The following CHMP2B variants were observed in gnomAD, a reference collection of about 807,000 sequenced individuals.
CHMP2B encodes the protein VPS2 homolog B.
CHMP2B carries 22 observed loss-of-function variants against 29.8 expected under a neutral mutation model. The ratio of observed to expected loss-of-function variants is 0.74; its 90% CI spans 0.53 to 1.05. The LOEUF (loss-of-function observed/expected upper bound fraction) is 1.05. Among genes scored for constraint, CHMP2B ranks in the 50% least tolerant of loss-of-function variants. CHMP2B has a pLI of 0.00. For synonymous variants in CHMP2B, 78 were observed against 75.8 expected, an observed-to-expected ratio of 1.03 and a Z score of -0.15; for missense variants, 261 against 252.2, an observed-to-expected ratio of 1.03 and a Z score of -0.24.
chr3:87,246,897 T>G (rs187197913), intron 3 of CHMP2B, among the ~76,000 whole-genome samples: 2 of 152,312 alleles, frequency 1.3e-5, no homozygotes, highest in South Asian at 4.1e-4. Context: ...ATATCAGTCA[T>G]GCTAAGCTTT....
intron 3 of CHMP2B, among the ~76,000 whole-genome samples, chr3:87,246,426 C>T (rs373581861): frequency 9.9e-5 from 15 of 152,214 alleles, no homozygotes; most frequent in African/African-American, 2.9e-4. Context: ...CATGAGCCAC[C>T]GCGCCCAGCC....
intron 4 of CHMP2B, chr3:87,253,054 T>G (rs545971405): frequency 4.4e-4 from 95 of 217,622 alleles, no homozygotes; most frequent in African/African-American, 2.0e-3. Context: ...TTCTTGCATA[T>G]TCTTCCTCTA....
At chr3:87,251,221 C>A (rs1706308923) in intron 4 of CHMP2B, among the ~76,000 whole-genome samples, 1 of 151,854 alleles carries the variant, frequency 6.6e-6, no homozygotes, top group South Asian at 2.1e-4. Context: ...GTATGTTTAT[C>A]TTTGGCAGCT....
In CHMP2B at chr3:87,239,250, T is replaced by C. The variant is rs149878515; in HGVS notation, c.35-1449T>C. On this transcript the variant is annotated intron_variant, in intron 1 of 5. Coordinates refer to ENST00000263780, the MANE Select transcript of CHMP2B (RefSeq NM_014043.4). ...CTTTTCACCTAATAATGTTCTTTAA[T>C]GCATAAAATTTTTAATTTTCACCAA... Among the ~76,000 whole-genome samples the C allele has an allele frequency of 4.5e-3, 686 of 152,078 alleles. 5 individuals carry two copies. Among genetic ancestry groups the C allele is most frequent in the African/African-American group, 0.016 (667 of 41,574 alleles).
intron 1 of CHMP2B, among the ~76,000 whole-genome samples, chr3:87,233,326 A>G (rs1705938883): frequency 6.6e-6 from 1 of 151,840 alleles, no homozygotes; most frequent in African/African-American, 2.4e-5. Context: ...CTTTGTACCC[A>G]CTCTCACTGT....
intron 2 of CHMP2B, among the ~76,000 whole-genome samples, chr3:87,241,366 T>C (rs1288073201): frequency 5.3e-5 from 8 of 152,198 alleles, no homozygotes; most frequent in Non-Finnish European, 1.2e-4. Flanking sequence ...TTTTGACATA[T>C]GTATAAACTC....
At chr3:87,248,966 G>A (rs1706265361) in intron 3 of CHMP2B, among the ~76,000 whole-genome samples, 1 of 152,080 alleles carries the variant, frequency 6.6e-6, no homozygotes, top group Admixed American at 6.6e-5. Context: ...ATATAAAAAT[G>A]CAGTCATGTC....
chr3:87,231,089 C>T (rs890460630), intron 1 of CHMP2B, among the ~76,000 whole-genome samples: 6 of 151,952 alleles, frequency 3.9e-5, no homozygotes, highest in African/African-American at 1.5e-4. Flanking sequence ...TGCATTCTCT[C>T]CCTGCATGAT....
chr3:87,243,167 G>A (rs1706152186), intron 2 of CHMP2B, among the ~76,000 whole-genome samples: 1 of 152,018 alleles, frequency 6.6e-6, no homozygotes, highest in Admixed American at 6.6e-5. Flanking sequence ...GCAGTGTTTT[G>A]TACTTGTTGA....
Position 87,253,460 on chromosome 3 carries a change from G to T in CHMP2B, c.481G>T (p.Asp161Tyr). Reference sequence around the variant, plus strand: ...TTCTGATGACGAAGAAGAAAGCCAGGATATTGTGAATCAAGTTCTTGATGA... The same window carrying T: ...TTCTGATGACGAAGAAGAAAGCCAGTATATTGTGAATCAAGTTCTTGATGA... ...DGSDDEEESQ[D>Y]IVNQVLDEIG... The change falls in exon 5 of 6, where the codon GAT becomes TAT. Residue 161 changes from aspartate (D) to tyrosine (Y), a missense_variant. By Grantham distance (160) the Asp-to-Tyr change is radical. Coordinates refer to ENST00000263780, the MANE Select transcript of CHMP2B (RefSeq NM_014043.4). 1 of 1,612,114 alleles carries T rather than the reference G, an allele frequency of 6.2e-7. No homozygotes were observed. The highest frequency in any genetic ancestry group is 8.5e-7 in the Non-Finnish European group (1 of 1,178,440).
At chr3:87,249,678 T>A (rs1039767207) in intron 3 of CHMP2B, among the ~76,000 whole-genome samples, 197 bp from the exon 4 acceptor site, 6 of 152,090 alleles carry the variant, frequency 3.9e-5, no homozygotes, top group Non-Finnish European at 7.4e-5. Flanking sequence ...TGGTCTTTAT[T>A]ATATAGATGT....
rs868661420 is a variant in CHMP2B at position 87,255,164 on chromosome 3, A to G, written c.*1342A>G. On this transcript the variant is annotated 3_prime_UTR_variant, in exon 6 of 6. Transcript: ENST00000263780. ...GTGGACATTTTGGGCTAATACTGACAAAATACATCTTAGGACTAGTATACA... is the reference window on the plus strand; with the variant it reads ...GTGGACATTTTGGGCTAATACTGACGAAATACATCTTAGGACTAGTATACA... The G allele has an allele frequency of 6.6e-6, 1 of 152,280 alleles. No homozygotes were observed. The highest frequency in any genetic ancestry group is 1.9e-4 in the East Asian group (1 of 5,190). 9.4% of individuals were successfully genotyped at this position (152,280 alleles called of 1,614,324 possible). A position where few individuals can be genotyped will look rare whatever the true frequency, so the allele number is the denominator to read the frequency against.
At chr3:87,245,457 T>G (rs932069865) in intron 2 of CHMP2B, among the ~76,000 whole-genome samples, 4 of 151,642 alleles carry the variant, frequency 2.6e-5, no homozygotes, top group Non-Finnish European at 5.9e-5. Flanking sequence ...TCTTCTGGGC[T>G]CTACATGTGC....
Position 87,245,729 on chromosome 3 carries a change from A to G in CHMP2B, c.142A>G (p.Lys48Glu), listed in dbSNP as rs1201912426. The change falls in exon 3 of 6, where the codon AAA becomes GAA. Residue 48 changes from lysine to glutamate, a missense_variant. Transcript: ENST00000263780. The part of the protein sequence containing the change: ...QEKQLELEIK[K>E]MAKIGNKEAC... ...CTTCTCTTAGGAATTAGAAATTAAGAAAATGGCCAAGATTGGTAATAAGGA... is the reference window on the plus strand; with the variant it reads ...CTTCTCTTAGGAATTAGAAATTAAGGAAATGGCCAAGATTGGTAATAAGGA... The G allele has an allele frequency of 7.4e-6, 12 of 1,613,366 alleles. No individual in the cohort carries two copies. Among genetic ancestry groups the G allele is most frequent in the Non-Finnish European group, 9.3e-6 (11 of 1,179,640 alleles).
intron 1 of CHMP2B, among the ~76,000 whole-genome samples, chr3:87,234,088 G>A (rs1395296564): frequency 1.3e-5 from 2 of 152,004 alleles, no homozygotes; most frequent in African/African-American, 2.4e-5. Flanking sequence ...ACTTTAAATA[G>A]TATTACTCAC....
chr3:87,253,580 T>C, intron 5 of CHMP2B, 70 bp downstream of exon 5: 1 of 1,363,974 alleles, frequency 7.3e-7, no homozygotes, highest in Non-Finnish European at 1.0e-6. Flanking sequence ...ATTGTTTTGT[T>C]TTTACTAGGA....
intron 1 of CHMP2B, among the ~76,000 whole-genome samples, chr3:87,236,111 T>C (rs1338941497): frequency 6.6e-6 from 1 of 152,186 alleles, no homozygotes; most frequent in African/African-American, 2.4e-5. Context: ...AGAGGTTCTC[T>C]GAATCTCTTA....
Position 87,228,573 on chromosome 3 carries a change from A to G in CHMP2B, c.34+1017A>G, listed in dbSNP as rs889929191. Among the ~76,000 whole-genome samples the G allele has an allele frequency of 2.6e-5, 4 of 152,232 alleles. 1 individual carries two copies. Among genetic ancestry groups the G allele is most frequent in the South Asian group, 4.1e-4 (2 of 4,836 alleles). The stretch of plus-strand genomic sequence containing the variant: ...ACTCCTTCATTCCTTTGTGTTGACT[A>G]TTCCAATGCCAGCAAAATTATTTTG... On this transcript the variant is annotated intron_variant, in intron 1 of 5. Transcript: ENST00000263780.
chr3:87,248,959 T>C lies in CHMP2B; in HGVS notation c.322-916T>C, dbSNP rs182948648. ...ATCTATGTATTATGCATCATATATA[T>C]AAAAATGCAGTCATGTCTGGCTTAA... On this transcript the variant is annotated intron_variant, in intron 3 of 5. Coordinates refer to ENST00000263780, the MANE Select transcript of CHMP2B (RefSeq NM_014043.4). Among the ~76,000 whole-genome samples, 16 of 152,328 alleles carry C rather than the reference T, an allele frequency of 1.1e-4. No homozygotes were observed. In the East Asian group the frequency reaches 3.1e-3, roughly 29 times the overall value.
Sources: allele counts gnomAD v4.1 joint callset (sites outside exome capture counted in the v4.1 genomes callset), GRCh38; gene constraint gnomAD v4.1.1; transcripts MANE v1.5; gene names NCBI Gene and HGNC (gene_info 2026-07-23, HGNC 2026-07-21).